The following ITSN2 variants were observed in gnomAD, a reference collection of about 807,000 sequenced individuals.
ITSN2 encodes intersectin-2.
A neutral mutation model predicts 243.7 loss-of-function variants in ITSN2; 156 were observed. The observed-to-expected ratio is 0.64, with a 90% confidence interval of 0.56 to 0.73. ITSN2 has a LOEUF of 0.73. ITSN2 is among the 30% of genes least tolerant of loss of function. The pLI, the probability that ITSN2 is intolerant of heterozygous loss-of-function variation, is 0.00. For missense variants in ITSN2, 1,801 were observed against 1,996.1 expected (o/e 0.90, Z 1.86); for synonymous variants, 703 against 699.9 (o/e 1.00, Z -0.07).
chr2:24,304,248 G>C (rs1385229142), intron 8 of ITSN2, among the ~76,000 whole-genome samples: 1 of 152,188 alleles, frequency 6.6e-6, no homozygotes, highest in Non-Finnish European at 1.5e-5. Context: ...AGTAGCAGAA[G>C]AGTCAGGCGC....
chr2:24,275,037 A>G (rs531503386), intron 18 of ITSN2, among the ~76,000 whole-genome samples: 11 of 152,226 alleles, frequency 7.2e-5, no homozygotes, highest in Non-Finnish European at 1.5e-4. Flanking sequence ...GGCAATTAAT[A>G]TATCTCAAGT....
intron 9 of ITSN2, among the ~76,000 whole-genome samples, chr2:24,303,231 G>C (rs1682020477): frequency 6.6e-6 from 1 of 152,128 alleles, no homozygotes; most frequent in African/African-American, 2.4e-5. Context: ...ATTCCAGAAG[G>C]CATTGTTATC....
At chr2:24,329,698 G>T (rs1321384586) in intron 1 of ITSN2, among the ~76,000 whole-genome samples, 1 of 152,080 alleles carries the variant, frequency 6.6e-6, no homozygotes, top group Non-Finnish European at 1.5e-5. Context: ...AGATCATGCC[G>T]TATCTCATCT....
intron 13 of ITSN2, among the ~76,000 whole-genome samples, chr2:24,297,474 T>A (rs1411071722): frequency 6.6e-6 from 1 of 152,188 alleles, no homozygotes; most frequent in Non-Finnish European, 1.5e-5. Context: ...AGAACTACAA[T>A]CCTGCAGAAC....
chr2:24,213,504 T>G (rs557872579), intron 32 of ITSN2, among the ~76,000 whole-genome samples: 2 of 152,330 alleles, frequency 1.3e-5, no homozygotes, highest in Admixed American at 1.3e-4. Flanking sequence ...CCTTTTGTTT[T>G]GGCCGTATCT....
At chr2:24,319,035 A>G (rs1315510617) in intron 2 of ITSN2, among the ~76,000 whole-genome samples, 1 of 152,204 alleles carries the variant, frequency 6.6e-6, no homozygotes, top group African/African-American at 2.4e-5. Flanking sequence ...GCAGTGGAGC[A>G]GTTTCATCCT....
intron 29 of ITSN2, among the ~76,000 whole-genome samples, chr2:24,243,474 CTTATT>C (rs10609867): frequency 0.62 from 94,425 of 151,356 alleles, 30,075 homozygotes; most frequent in East Asian, 0.77. Flanking sequence ...TCTTTTTCTT[CTTATT>C]TTAATCTTTC....
At chr2:24,327,365 G>C (rs1342344365) in intron 2 of ITSN2, among the ~76,000 whole-genome samples, 2 of 150,008 alleles carry the variant, frequency 1.3e-5, no homozygotes, top group African/African-American at 4.9e-5. Flanking sequence ...GCCCTATCTC[G>C]GTACACTGCA....
rs761839699 is a variant in ITSN2 at position 24,310,824 on chromosome 2, C to T, written c.353-132G>A. The T allele has an allele frequency of 1.8e-5, 13 of 716,664 alleles. No homozygotes were observed. The South Asian group carries it at 2.4e-4, about 13-fold the overall frequency. 44.4% of individuals were successfully genotyped at this position (716,664 alleles called of 1,614,324 possible). A position where few individuals can be genotyped will look rare whatever the true frequency, so the allele number is the denominator to read the frequency against. On this transcript the variant is annotated intron_variant, in intron 5 of 39. Transcript: ENST00000355123. The stretch of plus-strand genomic sequence containing the variant: ...ACACAGATGAATTATCCTTAAAAAA[C>T]TCACTACTTTGACCCAGCAGTGAGG...
rs986972472 is a variant in ITSN2, at chr2:24,254,583, T to C, written c.2889-152A>G. 3 of 505,376 alleles carry C rather than the reference T, an allele frequency of 5.9e-6. No individual in the cohort carries two copies. In the South Asian group the frequency reaches 1.1e-4, roughly 19 times the overall value. 31.3% of individuals were successfully genotyped at this position (505,376 alleles called of 1,614,324 possible). A position where few individuals can be genotyped will look rare whatever the true frequency, so the allele number is the denominator to read the frequency against. ...TAGTACACAGAACTGGGAAGACTTA[T>C]ACACAACATCCTGCAGGATTAAGAA... On this transcript the variant is annotated intron_variant, in intron 23 of 39. Transcript: ENST00000355123.
chr2:24,319,845 G>A (rs1190683260), intron 2 of ITSN2, among the ~76,000 whole-genome samples: 1 of 152,164 alleles, frequency 6.6e-6, no homozygotes, highest in Non-Finnish European at 1.5e-5. Flanking sequence ...TGGAAACCAT[G>A]CATTAACTTG....
chr2:24,357,176 C>T (rs1472287630), intron 1 of ITSN2, among the ~76,000 whole-genome samples: 4 of 152,126 alleles, frequency 2.6e-5, no homozygotes, highest in Non-Finnish European at 2.9e-5. Flanking sequence ...CACATGCACA[C>T]GTATGTTTAC....
Position 24,286,331 on chromosome 2 carries a change from G to A in ITSN2, c.1744C>T (p.His582Tyr). 1 of 1,611,280 alleles carries A rather than the reference G, an allele frequency of 6.2e-7. No homozygotes were observed. The highest frequency in any genetic ancestry group is 8.5e-7 in the Non-Finnish European group (1 of 1,178,142). ...TCTTCCTTTTCTAATGATTTTTTATGAAGTAAACTGACCCCTGAATCTGAA... is the reference window on the plus strand; with the variant it reads ...TCTTCCTTTTCTAATGATTTTTTATAAAGTAAACTGACCCCTGAATCTGAA... ...NTPDSGVSLL[H>Y]KKSLEKEELC... Residue 582 changes from histidine to tyrosine, a missense_variant, in exon 16 of 40, where the codon CAT becomes TAT. Physicochemically the swap from His to Tyr is moderately conservative, Grantham distance 83. Transcript: ENST00000355123.
At chr2:24,228,335 C>CTATTA (rs1440278280) in intron 29 of ITSN2, among the ~76,000 whole-genome samples, 3 of 151,706 alleles carry the variant, frequency 2.0e-5, no homozygotes, top group African/African-American at 7.3e-5. Context: ...ACTGGAAAAA[C>CTATTA]TATTAAAAGA....
intron 14 of ITSN2, 146 bp from the exon 15 acceptor site, chr2:24,293,921 T>C (rs568066777): frequency 1.1e-5 from 4 of 372,892 alleles, no homozygotes; most frequent in African/African-American, 6.3e-5. Context: ...AACTTATGAA[T>C]CAACTAGAAT....
intron 15 of ITSN2, among the ~76,000 whole-genome samples, chr2:24,292,430 T>C (rs570563159): frequency 6.6e-6 from 1 of 152,044 alleles, no homozygotes; most frequent in Non-Finnish European, 1.5e-5. Context: ...TGGGGGCTAA[T>C]ATACTTTGAA....
At chr2:24,280,692 A>G (rs868523600) in intron 17 of ITSN2, among the ~76,000 whole-genome samples, 1 of 152,072 alleles carries the variant, frequency 6.6e-6, no homozygotes, top group African/African-American at 2.4e-5. Flanking sequence ...CCTCACTCTT[A>G]GCAACTCCAT....
intron 27 of ITSN2, among the ~76,000 whole-genome samples, chr2:24,247,565 C>T (rs192969863): frequency 1.2e-3 from 177 of 152,148 alleles, no homozygotes; most frequent in African/African-American, 4.1e-3. Context: ...TTGGGGGCCT[C>T]GAACTCAGCA....
intron 29 of ITSN2, among the ~76,000 whole-genome samples, chr2:24,227,526 A>G (rs747170030): frequency 1.3e-5 from 2 of 152,208 alleles, no homozygotes; most frequent in Non-Finnish European, 2.9e-5. Flanking sequence ...TGTCATGGAA[A>G]TGATAAATTA....
Sources: gnomAD v4.1 joint callset for allele counts (sites outside exome capture counted in the v4.1 genomes callset) on GRCh38, gnomAD v4.1.1 for gene constraint, MANE v1.5 for transcripts, NCBI Gene and HGNC (gene_info 2026-07-23, HGNC 2026-07-21) for gene names.